Variants in PRKDC observed in about 807,000 individuals in gnomAD.
PRKDC encodes the protein protein kinase, DNA-activated, catalytic subunit.
A neutral mutation model predicts 486.9 loss-of-function variants in PRKDC; 82 were observed. The observed-to-expected ratio is 0.17, with a 90% CI of 0.14 to 0.20. PRKDC has a LOEUF of 0.20. Ranked by LOEUF, PRKDC falls within the 10% of genes least tolerant of loss-of-function variation. The probability of loss-of-function intolerance (pLI) is 1.00; values close to 1 mark genes in which losing one functional copy is unlikely to be tolerated. For missense variants in PRKDC, 4,504 were observed against 5,038.2 expected (o/e 0.89, Z 3.21); for synonymous variants, 1,895 against 1,837.0 (o/e 1.03, Z -0.81).
intron 38 of PRKDC, among the ~76,000 whole-genome samples, chr8:47,880,393 G>C (rs761623323): frequency 2.0e-5 from 3 of 152,208 alleles, no homozygotes; most frequent in Non-Finnish European, 4.4e-5. Context: ...ACTAGGAGTT[G>C]ACTCCTGTTC....
rs1333054780 is a variant in PRKDC, at chr8:47,821,771, C to T, written c.8944G>A (p.Val2982Ile). 1.9e-6 allele frequency: 3 copies of T among 1,572,462 alleles called. No individual in the cohort carries two copies. The highest frequency in any genetic ancestry group is 2.6e-6 in the Non-Finnish European group (3 of 1,164,848). ...YDEALNKQDW[V>I]DGEPTEAEKD... ...TCGGCTTCTGTGGGCTCACCATCTA[C>T]CCAGTCTTGTTTATTGAGAGCCTAG... The change falls in exon 65 of 86, where the codon GTA becomes ATA. Residue 2982 changes from valine to isoleucine, a missense_variant. Transcript: ENST00000314191.
At position 47,820,779 on chromosome 8, in the gene PRKDC, C is replaced by G; in HGVS notation, c.9276G>C (p.Leu3092=). The G allele has an allele frequency of 6.2e-7, 1 of 1,608,858 alleles. No individual in the cohort carries two copies. Among genetic ancestry groups the G allele is most frequent in the South Asian group, 1.1e-5 (1 of 90,156 alleles). ...ATTTGGCTCTGTCAACATCATCTTG[C>G]AGGAGGTAAAGCAGACTCAGCTCTT... is the stretch of plus-strand genomic sequence containing the variant. ...YSQELSLLYL[L]QDDVDRAKYY... The change falls in exon 66 of 86, where the codon CTG becomes CTC. Residue 3092 remains leucine, a synonymous_variant. Transcript: ENST00000314191.
intron 30 of PRKDC, among the ~76,000 whole-genome samples, chr8:47,896,753 A>G (rs2089590305): frequency 6.6e-6 from 1 of 152,122 alleles, no homozygotes; most frequent in Non-Finnish European, 1.5e-5. Context: ...ACAGCCCACA[A>G]TGGGGGAAGG....
chr8:47,910,441 T>C (rs757575998), intron 25 of PRKDC, among the ~76,000 whole-genome samples: 2 of 152,200 alleles, frequency 1.3e-5, no homozygotes, highest in Non-Finnish European at 2.9e-5. Flanking sequence ...CCCACTTAAA[T>C]AACCCCCTAC....
intron 14 of PRKDC, 97 bp downstream of exon 14, chr8:47,934,912 C>G: frequency 1.1e-6 from 1 of 878,246 alleles, no homozygotes; most frequent in African/African-American, 1.7e-5. Flanking sequence ...AAGAAAAGAA[C>G]GGCCACTTTT....
Position 47,881,977 on chromosome 8 carries a change from A to G in PRKDC, c.4897T>C (p.Trp1633Arg). ...GTTTCGAGAGGGGAATCTTTGGCCC[A>G]CCATGAATCACACTTCTTCCAGTGT... Reference protein sequence around the residue: ...LQHWKKCDSWWAKDSPLETKM... With the variant: ...LQHWKKCDSWRAKDSPLETKM... The change falls in exon 37 of 86, where the codon TGG (tryptophan) becomes CGG (arginine). Residue 1633 changes from tryptophan (W) to arginine (R), a missense_variant. Coordinates refer to ENST00000314191, the MANE Select transcript of PRKDC (RefSeq NM_006904.7). 6.2e-7 allele frequency: 1 copy of G among 1,613,990 alleles called. No individual in the cohort carries two copies. The highest frequency in any genetic ancestry group is 1.3e-5 in the African/African-American group (1 of 75,066).
intron 27 of PRKDC, among the ~76,000 whole-genome samples, chr8:47,901,140 C>G (rs1374148671): frequency 6.6e-6 from 1 of 151,056 alleles, no homozygotes; most frequent in African/African-American, 2.4e-5. Context: ...CAGAGCAAGA[C>G]CCTGTCTCAG....
At chr8:47,856,400 GC>G (rs1387459190) in intron 49 of PRKDC, among the ~76,000 whole-genome samples, 4 of 152,012 alleles carry the variant, frequency 2.6e-5, no homozygotes, top group Admixed American at 2.0e-4. Flanking sequence ...GTTAATTTTT[GC>G]ATTTTTTTAG....
chr8:47,786,337 G>A (rs891887168), intron 76 of PRKDC, among the ~76,000 whole-genome samples: 7 of 151,718 alleles, frequency 4.6e-5, no homozygotes, highest in Non-Finnish European at 5.9e-5. Flanking sequence ...GCTTGAATCC[G>A]GGAGGCGGAG....
At chr8:47,892,857 T>G (rs947273305) in intron 31 of PRKDC, among the ~76,000 whole-genome samples, 3 of 152,094 alleles carry the variant, frequency 2.0e-5, no homozygotes, top group Non-Finnish European at 2.9e-5. Context: ...ATGGAATACG[T>G]TTTTTTTAAG....
intron 69 of PRKDC, among the ~76,000 whole-genome samples, chr8:47,806,872 T>C (rs1429188289): frequency 2.0e-5 from 3 of 152,184 alleles, no homozygotes; most frequent in African/African-American, 7.2e-5. Context: ...CAAGTTTCCT[T>C]TTTCTCTGAG....
At chr8:47,818,956 G>A (rs1347128172) in intron 67 of PRKDC, among the ~76,000 whole-genome samples, 1 of 152,130 alleles carries the variant, frequency 6.6e-6, no homozygotes, top group African/African-American at 2.4e-5. Flanking sequence ...CCTGCTGCCC[G>A]CAGCCTTCCT....
chr8:47,910,358 C>G (rs1292041546), intron 25 of PRKDC, among the ~76,000 whole-genome samples: 11 of 152,166 alleles, frequency 7.2e-5, no homozygotes. Flanking sequence ...AACATCTTAA[C>G]GAATGTCATG....
At chr8:47,815,452 A>T (rs1237522849) in intron 68 of PRKDC, among the ~76,000 whole-genome samples, 8 of 152,214 alleles carry the variant, frequency 5.3e-5, no homozygotes, top group Non-Finnish European at 8.8e-5. Context: ...TCAATGTAAG[A>T]CCTAAAACCA....
chr8:47,777,882 AG>A lies in PRKDC; in HGVS notation c.11854-9del. The A allele has an allele frequency of 6.2e-7, 1 of 1,612,992 alleles. No homozygotes were observed. Among genetic ancestry groups the A allele is most frequent in the Non-Finnish European group, 8.5e-7 (1 of 1,179,362 alleles). ...CTCAGGGACTGGCAGAAACTAAACA[AG>A]AAAAAAGGCAAGGAGCAGAATATGT... On this transcript the variant is annotated splice_polypyrimidine_tract_variant and intron_variant, in intron 83 of 85. Transcript: ENST00000314191.
intron 25 of PRKDC, 108 bp downstream of exon 25, chr8:47,912,302 G>C (rs1009575316): frequency 8.7e-6 from 11 of 1,263,660 alleles, no homozygotes; most frequent in Admixed American, 2.9e-5. Flanking sequence ...TCAGGGAGCA[G>C]TATCGTTCCT....
At position 47,943,273 on chromosome 8, in the gene PRKDC, C is replaced by T. The variant is rs760493640; in HGVS notation, c.902G>A (p.Cys301Tyr). 2 of 1,612,978 alleles carry T rather than the reference C, an allele frequency of 1.2e-6. No homozygotes were observed. Among genetic ancestry groups the T allele is most frequent in the Non-Finnish European group, 1.7e-6 (2 of 1,179,452 alleles). Residue 301 changes from cysteine to tyrosine, a missense_variant, in exon 10 of 86, where the codon TGT becomes TAT. By Grantham distance (194) the Cys-to-Tyr change is radical. Around this residue, in one of 6 missense-constraint regions of PRKDC, gnomAD observed 1,969 missense variants for 2,068.9 expected, o/e 0.95. Coordinates refer to ENST00000314191, the MANE Select transcript of PRKDC (RefSeq NM_006904.7). ...VSLFEVLLKW[C>Y]AHTNVELKKA... ...TTTCAATTCTACATTTGTGTGGGCA[C>T]ACCACTTTAACAAGACTTCAAATAG...
At chr8:47,923,627 G>T (rs562222984) in intron 21 of PRKDC, among the ~76,000 whole-genome samples, 1 of 152,166 alleles carries the variant, frequency 6.6e-6, no homozygotes, top group Non-Finnish European at 1.5e-5. Flanking sequence ...TCATTAGTAC[G>T]TGTTTGGCTG....
At chr8:47,906,964 T>C (rs185289538) in intron 25 of PRKDC, among the ~76,000 whole-genome samples, 4 of 151,540 alleles carry the variant, frequency 2.6e-5, no homozygotes, top group Admixed American at 6.8e-5. Flanking sequence ...TTAATCAATA[T>C]AAAAGGGTCT....
Sources: gnomAD v4.1 joint callset for allele counts (sites outside exome capture counted in the v4.1 genomes callset) on GRCh38, gnomAD v4.1.1 for gene constraint, gnomAD v4.1.1 regional missense constraint, MANE v1.5 for transcripts, NCBI Gene and HGNC (gene_info 2026-07-23, HGNC 2026-07-21) for gene names.